The following SLC44A5 variants were observed in gnomAD, a reference collection of about 807,000 sequenced individuals.
SLC44A5 encodes the protein solute carrier family 44 member 5, also known as choline transporter-like protein 5.
A neutral mutation model predicts 101.8 loss-of-function variants in SLC44A5; 57 were observed. The ratio of observed to expected loss-of-function variants is 0.56; its 90% CI spans 0.45 to 0.70. SLC44A5 has a LOEUF of 0.70. Among genes scored for constraint, SLC44A5 ranks in the 30% least tolerant of loss-of-function variants. The pLI is 0.00. For missense variants in SLC44A5, 737 were observed against 853.1 expected (o/e 0.86, Z 1.70); for synonymous variants, 281 against 290.9 (o/e 0.97, Z 0.35).
intron 4 of SLC44A5, among the ~76,000 whole-genome samples, chr1:75,314,492 G>T (rs1655544357): frequency 6.6e-6 from 1 of 152,166 alleles, no homozygotes; most frequent in African/African-American, 2.4e-5. Flanking sequence ...GCCAAAGTGT[G>T]TGGAGAAGCA....
the SLC44A5 span, among the ~76,000 whole-genome samples, chr1:75,650,441 G>C: frequency 5.7e-4 from 87 of 152,046 alleles, no homozygotes; most frequent in Non-Finnish European, 1.1e-3. Flanking sequence ...ATTCCAGAAG[G>C]ATATTTTAAT....
the SLC44A5 span, among the ~76,000 whole-genome samples, chr1:75,659,491 AGGC>A: frequency 2.2e-5 from 1 of 45,636 alleles, no homozygotes; most frequent in Non-Finnish European, 6.8e-5. Flanking sequence ...GAAGGAAGGA[AGGC>A]AGGCAGGCAG....
chr1:75,622,161 T>C, the SLC44A5 span, among the ~76,000 whole-genome samples: 3 of 152,084 alleles, frequency 2.0e-5, no homozygotes, highest in African/African-American at 7.2e-5. Context: ...TGTGTTTGAA[T>C]TGGGCAGAAA....
the SLC44A5 span, among the ~76,000 whole-genome samples, chr1:75,646,725 A>G: frequency 1.3e-5 from 2 of 152,098 alleles, no homozygotes; most frequent in East Asian, 3.9e-4. Context: ...CCTTGCCACC[A>G]TGTGAAGAAG....
the SLC44A5 span, among the ~76,000 whole-genome samples, chr1:75,635,813 TA>T: frequency 4.1e-4 from 61 of 149,480 alleles, no homozygotes; most frequent in African/African-American, 9.1e-4. Context: ...ATAATAATAA[TA>T]AAAAAAAAAT....
At chr1:75,672,466 C>T in the SLC44A5 span, among the ~76,000 whole-genome samples, 1 of 151,948 alleles carries the variant, frequency 6.6e-6, no homozygotes, top group Non-Finnish European at 1.5e-5. Context: ...CCAGAGAGTC[C>T]CACCACCATG....
chr1:75,517,336 G>C (rs1669891140), intron 2 of SLC44A5, among the ~76,000 whole-genome samples: 1 of 151,886 alleles, frequency 6.6e-6, no homozygotes, highest in Non-Finnish European at 1.5e-5. Flanking sequence ...AGAAAGAGAG[G>C]CAGCAGAGAA....
chr1:75,636,366 T>G, the SLC44A5 span, among the ~76,000 whole-genome samples: 1 of 152,062 alleles, frequency 6.6e-6, no homozygotes, highest in African/African-American at 2.4e-5. Context: ...TTTATAAAGA[T>G]TTCCCAAAGT....
chr1:75,528,195 A>G (rs192323617), intron 2 of SLC44A5, among the ~76,000 whole-genome samples: 121 of 152,282 alleles, frequency 7.9e-4, no homozygotes, highest in Admixed American at 1.6e-3. Context: ...GCCAAGATCT[A>G]TTCACTAGAA....
At chr1:75,492,826 C>G (rs888782205) in intron 2 of SLC44A5, among the ~76,000 whole-genome samples, 11 of 152,180 alleles carry the variant, frequency 7.2e-5, no homozygotes, top group African/African-American at 2.7e-4. Flanking sequence ...CTTGGCCTGA[C>G]CACAGTGCTA....
At chr1:75,659,056 C>T in the SLC44A5 span, among the ~76,000 whole-genome samples, 1 of 151,848 alleles carries the variant, frequency 6.6e-6, no homozygotes, top group East Asian at 1.9e-4. Context: ...ACACAGACAA[C>T]CTAACAAGAT....
At chr1:75,640,595 C>T in the SLC44A5 span, among the ~76,000 whole-genome samples, 22 of 152,196 alleles carry the variant, frequency 1.4e-4, no homozygotes, top group African/African-American at 5.3e-4. Flanking sequence ...CATTCTCTCT[C>T]TCTCTCTGGG....
chr1:75,247,068 T>C (rs1268543735), intron 7 of SLC44A5, among the ~76,000 whole-genome samples: 4 of 151,992 alleles, frequency 2.6e-5, no homozygotes, highest in Non-Finnish European at 5.9e-5. Flanking sequence ...CCACACTGGT[T>C]ACTGGGTGGA....
At chr1:75,408,258 TTGG>T (rs1420369702) in intron 2 of SLC44A5, among the ~76,000 whole-genome samples, 2 of 152,282 alleles carry the variant, frequency 1.3e-5, no homozygotes, top group African/African-American at 2.4e-5. Flanking sequence ...TTTTACACTG[TTGG>T]TGGGAGTGTA....
chr1:75,716,671 G>A, the SLC44A5 span, among the ~76,000 whole-genome samples: 13 of 152,182 alleles, frequency 8.5e-5, no homozygotes, highest in African/African-American at 2.2e-4. Flanking sequence ...TATGTTTATC[G>A]CAGCATTATT....
chr1:75,578,613 T>C (rs1042547697), intron 1 of SLC44A5, among the ~76,000 whole-genome samples: 8 of 151,994 alleles, frequency 5.3e-5, no homozygotes, highest in Non-Finnish European at 8.8e-5. Context: ...CATAGAATGG[T>C]GGTTGACAGG....
chr1:75,326,391 G>C (rs1361011985), intron 4 of SLC44A5, among the ~76,000 whole-genome samples: 3 of 151,390 alleles, frequency 2.0e-5, no homozygotes, highest in Admixed American at 1.3e-4. Context: ...TAACTGGGCT[G>C]TCTCTTCTAT....
chr1:75,359,655 A>T (rs79705886), intron 3 of SLC44A5, among the ~76,000 whole-genome samples: 29,840 of 152,072 alleles, frequency 0.2, 3,150 homozygotes, highest in Non-Finnish European at 0.24. Flanking sequence ...ACTCTATAAC[A>T]TATTGATTTC....
At chr1:75,502,250 C>A (rs1298976419) in intron 2 of SLC44A5, among the ~76,000 whole-genome samples, 4 of 152,170 alleles carry the variant, frequency 2.6e-5, no homozygotes, top group African/African-American at 9.7e-5. Context: ...GAGTACAGAG[C>A]TACTTGTTTC....
Sources: gnomAD v4.1 joint callset for allele counts (sites outside exome capture counted in the v4.1 genomes callset) on GRCh38, gnomAD v4.1.1 for gene constraint, MANE v1.5 for transcripts, NCBI Gene and HGNC (gene_info 2026-07-23, HGNC 2026-07-21) for gene names.